The following SPON1 variants were observed in gnomAD, a reference collection of about 807,000 sequenced individuals.
SPON1 encodes spondin 1, also known as spondin-1.
SPON1 carries 52 observed loss-of-function variants against 111.7 expected under a neutral mutation model. The observed-to-expected ratio is 0.47, with a 90% CI of 0.37 to 0.59. SPON1 has a LOEUF of 0.59. SPON1 is among the 20% of genes least tolerant of loss of function. SPON1 has a pLI of 0.00. For missense variants in SPON1, 957 were observed against 1,068.5 expected, an observed-to-expected ratio of 0.90 and a Z score of 1.46; for synonymous variants, 410 against 395.8, an observed-to-expected ratio of 1.04 and a Z score of -0.43.
At chr11:13,984,997 A>G (rs1848171538) in intron 2 of SPON1, among the ~76,000 whole-genome samples, 1 of 152,232 alleles carries the variant, frequency 6.6e-6, no homozygotes, top group South Asian at 2.1e-4. Context: ...CTCAGAATGC[A>G]GTCTCAGGAC....
At chr11:14,081,996 T>G (rs1554922100) in intron 5 of SPON1, among the ~76,000 whole-genome samples, 1 of 152,142 alleles carries the variant, frequency 6.6e-6, no homozygotes, top group African/African-American at 2.4e-5. Flanking sequence ...CGAAGAAACT[T>G]GGACTCTCTG....
intron 6 of SPON1, among the ~76,000 whole-genome samples, chr11:14,170,979 A>G (rs1399777742): frequency 6.6e-6 from 1 of 152,116 alleles, no homozygotes; most frequent in Admixed American, 6.6e-5. Context: ...TCTCTGCCAG[A>G]CTTTGGTGTC....
rs1035269737 is a variant in SPON1 at position 14,208,504 on chromosome 11, C to T, written c.826-34828C>T. Among the ~76,000 whole-genome samples the T allele has an allele frequency of 2.0e-5, 3 of 152,074 alleles. No homozygotes were observed. In the South Asian group the frequency reaches 6.2e-4, roughly 32 times the overall value. On this transcript the variant is annotated intron_variant, in intron 6 of 15. Transcript: ENST00000576479. ...TATGTTAAATGTTACCCAGATGAAT[C>T]TTTTGATCACTTCCATTGTTATTTC...
chr11:14,232,718 A>T (rs902185638), intron 6 of SPON1, among the ~76,000 whole-genome samples: 3 of 152,160 alleles, frequency 2.0e-5, no homozygotes, highest in Non-Finnish European at 2.9e-5. Context: ...TCTTTCAAAA[A>T]ATAATCACAT....
At chr11:14,136,107 A>C (rs1847589221) in intron 6 of SPON1, among the ~76,000 whole-genome samples, 1 of 152,220 alleles carries the variant, frequency 6.6e-6, no homozygotes, top group African/African-American at 2.4e-5. Context: ...CCTCTGTGAG[A>C]TAAGGGAGAA....
At chr11:14,107,040 T>C (rs1400022841) in intron 5 of SPON1, among the ~76,000 whole-genome samples, 1 of 152,160 alleles carries the variant, frequency 6.6e-6, no homozygotes, top group Admixed American at 6.5e-5. Context: ...CTTGCCTCAA[T>C]TTAAGAGCAA....
At chr11:14,092,459 T>G (rs1849067180) in intron 5 of SPON1, among the ~76,000 whole-genome samples, 2 of 152,140 alleles carry the variant, frequency 1.3e-5, no homozygotes, top group South Asian at 4.1e-4. Context: ...AACTTGCCCT[T>G]GGGAATTTAC....
intron 6 of SPON1, among the ~76,000 whole-genome samples, chr11:14,238,506 G>A (rs554124900): frequency 2.0e-5 from 3 of 152,268 alleles, no homozygotes; most frequent in Middle Eastern, 3.4e-3. Flanking sequence ...GAGGGTCAGC[G>A]TGGGGTAAGA....
intron 6 of SPON1, among the ~76,000 whole-genome samples, chr11:14,214,722 A>G (rs1554937021): frequency 6.6e-6 from 1 of 152,178 alleles, no homozygotes; most frequent in South Asian, 2.1e-4. Flanking sequence ...CTGTCTCAGG[A>G]TAAATCAGCC....
chr11:14,263,242 TCAAG>T (rs1429412284), intron 15 of SPON1, among the ~76,000 whole-genome samples: 1 of 152,210 alleles, frequency 6.6e-6, no homozygotes, highest in East Asian at 1.9e-4. Context: ...AAATAAATTT[TCAAG>T]CAAAGAATCT....
At chr11:14,174,559 A>G (rs1848151911) in intron 6 of SPON1, among the ~76,000 whole-genome samples, 1 of 151,922 alleles carries the variant, frequency 6.6e-6, no homozygotes, top group Admixed American at 6.6e-5. Context: ...TTTTTTCCCC[A>G]AAATGGGGCC....
At chr11:13,991,250 T>G (rs1848227833) in intron 2 of SPON1, among the ~76,000 whole-genome samples, 1 of 152,222 alleles carries the variant, frequency 6.6e-6, no homozygotes, top group East Asian at 1.9e-4. Flanking sequence ...AGTCCCATAT[T>G]TCTTGGAGGC....
chr11:13,981,381 C>T (rs921509478), intron 1 of SPON1, among the ~76,000 whole-genome samples: 3 of 152,150 alleles, frequency 2.0e-5, no homozygotes, highest in African/African-American at 7.2e-5. Flanking sequence ...GGCTGGAGTG[C>T]AATGGCACAA....
Position 14,266,165 on chromosome 11 carries a change from C to CGA in SPON1, c.*478_*479insGA, listed in dbSNP as rs1554942471. The stretch of plus-strand genomic sequence containing the variant: ...CTCTTCTTAGTGGAACTTTAGGTCT[C>CGA]TTTTCAAGTCTCCTCAGTCATCAAT... On this transcript the variant is annotated 3_prime_UTR_variant, in exon 16 of 16. Coordinates refer to ENST00000576479, the MANE Select transcript of SPON1 (RefSeq NM_006108.4). 1 of 152,996 alleles carries CGA rather than the reference C, an allele frequency of 6.5e-6. No individual in the cohort carries two copies. The highest frequency in any genetic ancestry group is 1.5e-5 in the Non-Finnish European group (1 of 68,628). 9.5% of individuals were successfully genotyped at this position (152,996 alleles called of 1,614,324 possible).
At chr11:14,140,435 C>T (rs1847640436) in intron 6 of SPON1, among the ~76,000 whole-genome samples, 1 of 152,168 alleles carries the variant, frequency 6.6e-6, no homozygotes, top group South Asian at 2.1e-4. Flanking sequence ...ACTCTTGTCA[C>T]CCTGGCTGGA....
intron 6 of SPON1, among the ~76,000 whole-genome samples, chr11:14,188,706 T>C (rs782077481): frequency 3.3e-5 from 5 of 152,162 alleles, no homozygotes; most frequent in Non-Finnish European, 7.3e-5. Context: ...AGGCCCGCTT[T>C]CTAGTAGTGA....
At chr11:14,085,168 T>C (rs1356049128) in intron 5 of SPON1, among the ~76,000 whole-genome samples, 1 of 152,170 alleles carries the variant, frequency 6.6e-6, no homozygotes, top group Non-Finnish European at 1.5e-5. Context: ...ATTTGTCAAT[T>C]TTGGCTTTTG....
intron 6 of SPON1, among the ~76,000 whole-genome samples, chr11:14,222,947 T>G (rs1390149390): frequency 1.3e-5 from 2 of 152,168 alleles, no homozygotes; most frequent in Non-Finnish European, 2.9e-5. Flanking sequence ...CCTTTACTGA[T>G]TCCCAAAGAT....
intron 2 of SPON1, among the ~76,000 whole-genome samples, chr11:14,014,265 G>A (rs1215662348): frequency 2.6e-5 from 4 of 152,152 alleles, no homozygotes; most frequent in South Asian, 2.1e-4. Flanking sequence ...GAAGGCCATC[G>A]GTGGGAAGGG....
Sources: gnomAD v4.1 joint callset for allele counts (sites outside exome capture counted in the v4.1 genomes callset) on GRCh38, gnomAD v4.1.1 for gene constraint, MANE v1.5 for transcripts, NCBI Gene and HGNC (gene_info 2026-07-23, HGNC 2026-07-21) for gene names.